Variants in DLG2 observed in about 807,000 individuals in gnomAD.
DLG2 encodes the protein discs large MAGUK scaffold protein 2.
A neutral mutation model predicts 132.5 loss-of-function variants in DLG2; 45 were observed. The observed-to-expected ratio is 0.34, with a 90% CI of 0.27 to 0.44. DLG2 has a LOEUF of 0.44. DLG2 is among the 20% of genes least tolerant of loss of function. The pLI is 1.00. For synonymous variants in DLG2, 424 were observed against 419.6 expected, an observed-to-expected ratio of 1.01 and a Z score of -0.13; for missense variants, 1,045 against 1,196.9, an observed-to-expected ratio of 0.87 and a Z score of 1.87.
At chr11:84,827,676 CAAAAAAAAA>C (rs398016953) in intron 6 of DLG2, among the ~76,000 whole-genome samples, 1 of 35,090 alleles carries the variant, frequency 2.8e-5, no homozygotes, top group East Asian at 9.8e-4. Context: ...TACATACAGT[CAAAAAAAAA>C]AAAAAAAAAA....
intron 7 of DLG2, among the ~76,000 whole-genome samples, chr11:84,490,648 G>GAA (rs1567769836): frequency 1.5e-4 from 15 of 99,178 alleles, no homozygotes; most frequent in African/African-American, 4.7e-4. Flanking sequence ...ACATATATGA[G>GAA]CAAAAAAAAA....
intron 3 of DLG2, among the ~76,000 whole-genome samples, chr11:85,424,376 G>T (rs183303384): frequency 2.0e-5 from 3 of 152,184 alleles, no homozygotes; most frequent in Non-Finnish European, 2.9e-5. Flanking sequence ...ATGATGCAAG[G>T]CTTCATATGC....
chr11:84,719,506 A>G (rs1201407907), intron 6 of DLG2, among the ~76,000 whole-genome samples: 1 of 152,212 alleles, frequency 6.6e-6, no homozygotes, highest in Admixed American at 6.5e-5. Flanking sequence ...TTAATGGGCT[A>G]AAACTGTTCA....
chr11:83,876,838 T>C (rs1490867723), intron 15 of DLG2, among the ~76,000 whole-genome samples: 1 of 152,118 alleles, frequency 6.6e-6, no homozygotes, highest in African/African-American at 2.4e-5. Context: ...ATCCTCTGCT[T>C]TTCCTAACAT....
chr11:83,472,839 C>G, intron 22 of DLG2, 62 bp from the exon 23 acceptor site: 1 of 1,402,388 alleles, frequency 7.1e-7, no homozygotes, highest in Non-Finnish European at 1.0e-6. Context: ...GAGACAAGCC[C>G]TGCTCTGAAA....
intron 9 of DLG2, among the ~76,000 whole-genome samples, chr11:84,106,886 AGTTTTAGCTTTAGGGGGTGTGTGTGT>A (rs2092970607): frequency 1.4e-5 from 2 of 141,946 alleles, no homozygotes; most frequent in African/African-American, 5.3e-5. Context: ...AGAGAGAGAG[AGTTTTAGCTTTAGGGGGTGTGTGTGT>A]GAGAGAAGTG....
At chr11:84,010,293 G>GTATTATTATTATTAT (rs71463190) in intron 11 of DLG2, among the ~76,000 whole-genome samples, 15 of 147,560 alleles carry the variant, frequency 1.0e-4, no homozygotes, top group Non-Finnish European at 1.9e-4. Flanking sequence ...CATTTTAATT[G>GTATTATTATTATTAT]TATTATTATT....
chr11:84,908,118 G>C (rs185045377), intron 6 of DLG2, among the ~76,000 whole-genome samples: 9 of 151,754 alleles, frequency 5.9e-5, no homozygotes, highest in African/African-American at 2.2e-4. Context: ...CTCCACAACA[G>C]CAATGTCTAA....
intron 6 of DLG2, among the ~76,000 whole-genome samples, chr11:84,929,802 G>A (rs748160071): frequency 6.6e-6 from 1 of 152,102 alleles, no homozygotes; most frequent in South Asian, 2.1e-4. Context: ...TTAATGTCCA[G>A]TAAGATATTT....
intron 18 of DLG2, among the ~76,000 whole-genome samples, chr11:83,776,673 C>G (rs1049704138): frequency 6.6e-6 from 1 of 152,194 alleles, no homozygotes; most frequent in African/African-American, 2.4e-5. Flanking sequence ...CAGTGTTTCT[C>G]CCACATTCCC....
intron 6 of DLG2, chr11:85,021,723 T>G: frequency 1.3e-6 from 1 of 753,090 alleles, no homozygotes; most frequent in Admixed American, 2.2e-5. Context: ...CCCATAGGAG[T>G]GAGGAGGGAG....
intron 8 of DLG2, among the ~76,000 whole-genome samples, chr11:84,237,766 G>GA (rs1567025151): frequency 6.6e-6 from 1 of 151,894 alleles, no homozygotes; most frequent in Non-Finnish European, 1.5e-5. Context: ...AGCCGGGCAT[G>GA]GTGGCTTATG....
intron 7 of DLG2, among the ~76,000 whole-genome samples, chr11:84,517,470 G>T (rs923783740): frequency 1.3e-5 from 2 of 151,784 alleles, no homozygotes; most frequent in Non-Finnish European, 2.9e-5. Context: ...TATTAGAATG[G>T]CTATCATCAA....
At chr11:84,902,976 C>T (rs1375154791) in intron 6 of DLG2, among the ~76,000 whole-genome samples, 1 of 152,048 alleles carries the variant, frequency 6.6e-6, no homozygotes, top group Non-Finnish European at 1.5e-5. Context: ...AAGTTATTTT[C>T]ATAGGTCAAG....
chr11:84,648,720 G>A (rs1184902006), intron 6 of DLG2, among the ~76,000 whole-genome samples: 1 of 151,438 alleles, frequency 6.6e-6, no homozygotes, highest in Non-Finnish European at 1.5e-5. Flanking sequence ...GCCCTGTCTC[G>A]CTCACTCTGG....
intron 19 of DLG2, among the ~76,000 whole-genome samples, chr11:83,548,835 C>T (rs1206174213): frequency 6.6e-6 from 1 of 152,060 alleles, no homozygotes; most frequent in Admixed American, 6.6e-5. Context: ...GCAAATCACT[C>T]TGCTCTTTTA....
In DLG2 at chr11:84,597,475, A is replaced by G. The variant is rs967780281; in HGVS notation, c.358-62744T>C. Among the ~76,000 whole-genome samples the G allele has an allele frequency of 4.6e-5, 7 of 152,206 alleles. No homozygotes were observed. In the East Asian group the frequency reaches 1.3e-3, roughly 29 times the overall value. The stretch of plus-strand genomic sequence containing the variant: ...AAAATTATGTCAAAATGTCTTTTTA[A>G]CATGAGAACAATGATGTCAATGATG... On this transcript the variant is annotated intron_variant, in intron 6 of 27. Coordinates refer to ENST00000376104, the MANE Select transcript of DLG2 (RefSeq NM_001142699.3).
At chr11:84,758,133 A>G (rs571804726) in intron 6 of DLG2, among the ~76,000 whole-genome samples, 1 of 152,364 alleles carries the variant, frequency 6.6e-6, no homozygotes, top group East Asian at 1.9e-4. Flanking sequence ...CATTGTCAGT[A>G]TATTCTTATA....
intron 3 of DLG2, among the ~76,000 whole-genome samples, chr11:85,412,799 A>G (rs2089465658): frequency 6.8e-6 from 1 of 147,236 alleles, no homozygotes. Flanking sequence ...CAGTTTCTTA[A>G]TCCACTCATT....
Sources: allele counts gnomAD v4.1 joint callset (sites outside exome capture counted in the v4.1 genomes callset), GRCh38; gene constraint gnomAD v4.1.1; transcripts MANE v1.5; gene names NCBI Gene and HGNC (gene_info 2026-07-23, HGNC 2026-07-21).